FOXL2NB: variants seen among roughly 807,000 people sequenced by gnomAD.
FOXL2NB encodes FOXL2 neighbor.
A neutral mutation model predicts 7.4 loss-of-function variants in FOXL2NB; 10 were observed. That is an observed-to-expected ratio of 1.34 (90% CI 0.83 to 2.28). The LOEUF (loss-of-function observed/expected upper bound fraction) is 2.28, where lower values mean the gene tolerates loss of function less well. Among genes scored for constraint, FOXL2NB ranks in the 30% most tolerant of loss-of-function variants. FOXL2NB has a pLI of 0.00. For missense variants in FOXL2NB, 228 were observed against 233.9 expected (o/e 0.97, Z 0.17); for synonymous variants, 104 against 105.3 (o/e 0.99, Z 0.08).
At position 138,947,842 on chromosome 3, in the gene FOXL2NB, A is replaced by G; in HGVS notation, c.100+378A>G. Reference sequence around the variant, plus strand: ...GTTGGATGTGTGCTTTAACAGCACCAAGTAGATGCCCCTCAGCTATTGCAC... The same window carrying G: ...GTTGGATGTGTGCTTTAACAGCACCGAGTAGATGCCCCTCAGCTATTGCAC... On this transcript the variant is annotated intron_variant, in intron 1 of 2. Transcript: ENST00000383165. The surrounding 1 kb of genome is among the most constrained non-coding windows in gnomAD (Gnocchi z 5.2). 9.8e-7 allele frequency: 1 copy of G among 1,017,054 alleles called. No individual in the cohort carries two copies. The highest frequency in any genetic ancestry group is 1.7e-5 in the African/African-American group (1 of 58,054). 63.0% of individuals were successfully genotyped at this position (1,017,054 alleles called of 1,614,324 possible).
Position 138,949,393 on chromosome 3 carries a change from T to A in FOXL2NB, c.101-127T>A. The A allele has an allele frequency of 2.4e-6, 1 of 422,866 alleles. No individual in the cohort carries two copies. The highest frequency in any genetic ancestry group is 3.9e-6 in the Non-Finnish European group (1 of 256,462). 26.2% of individuals were successfully genotyped at this position (422,866 alleles called of 1,614,324 possible). The stretch of plus-strand genomic sequence containing the variant: ...GAGCCTGTGTGTGTATGCATGTGCG[T>A]GTGTGTGTGTGTGTGTGTGTGTGTA... On this transcript the variant is annotated intron_variant, in intron 1 of 2. Coordinates refer to ENST00000383165, the MANE Select transcript of FOXL2NB (RefSeq NM_001040061.3). This position sits in a 1 kb window ranked among gnomAD's most constrained non-coding sequence, Gnocchi z 4.5.
Position 138,950,698 on chromosome 3 carries a change from C to A in FOXL2NB, c.*126C>A, listed in dbSNP as rs1936114387. 2.1e-6 allele frequency: 2 copies of A among 958,186 alleles called. No individual in the cohort carries two copies. Among genetic ancestry groups the A allele is most frequent in the Non-Finnish European group, 1.6e-6 (1 of 625,428 alleles). 59.4% of individuals were successfully genotyped at this position (958,186 alleles called of 1,614,324 possible). On this transcript the variant is annotated 3_prime_UTR_variant, in exon 3 of 3. Transcript: ENST00000383165. Reference sequence around the variant, plus strand: ...CTCCACTCAGGTCACGTTACTCCATCCACTTCTCTCTCCTTCTCCCTCTGT... The same window carrying A: ...CTCCACTCAGGTCACGTTACTCCATACACTTCTCTCTCCTTCTCCCTCTGT...
chr3:138,947,348 G>A lies in FOXL2NB; in HGVS notation c.-17G>A. ...CTTGAAATCTGCCGGTACTCGCTCT[G>A]CGGGCTGGGCTGGGAGATGACGAGG... On this transcript the variant is annotated 5_prime_UTR_variant, in exon 1 of 3. Coordinates refer to ENST00000383165, the MANE Select transcript of FOXL2NB (RefSeq NM_001040061.3). This position sits in a 1 kb window ranked among gnomAD's most constrained non-coding sequence, Gnocchi z 5.2. The A allele has an allele frequency of 6.5e-7, 1 of 1,543,240 alleles. No individual in the cohort carries two copies. The highest frequency in any genetic ancestry group is 8.7e-7 in the Non-Finnish European group (1 of 1,143,078).
rs989961623 is a variant in FOXL2NB at position 138,952,753 on chromosome 3, C to G, written c.*2181C>G. 4.0e-5 allele frequency: 6 copies of G among 149,818 alleles called. No individual in the cohort carries two copies. Among genetic ancestry groups the G allele is most frequent in the African/African-American group, 1.5e-4 (6 of 40,132 alleles). 9.3% of individuals were successfully genotyped at this position (149,818 alleles called of 1,614,324 possible). A position where few individuals can be genotyped will look rare whatever the true frequency, so the allele number is the denominator to read the frequency against. ...ATGTGGGCCCAACTGGTCTTGAGCT[C>G]CTGAGCTCAGGGTGATTTGCCTGCT... is the stretch of plus-strand genomic sequence containing the variant. On this transcript the variant is annotated 3_prime_UTR_variant, in exon 3 of 3. Coordinates refer to ENST00000383165, the MANE Select transcript of FOXL2NB (RefSeq NM_001040061.3).
At position 138,949,452 on chromosome 3, in the gene FOXL2NB, G is replaced by T; in HGVS notation, c.101-68G>T. Reference sequence around the variant, plus strand: ...GGGCAAATGAAGGAGTTCCTCTGAAGGATTTTCAGAATAGAAAGGAGTTCT... The same window carrying T: ...GGGCAAATGAAGGAGTTCCTCTGAATGATTTTCAGAATAGAAAGGAGTTCT... On this transcript the variant is annotated intron_variant, in intron 1 of 2. Coordinates refer to ENST00000383165, the MANE Select transcript of FOXL2NB (RefSeq NM_001040061.3). This position sits in a 1 kb window ranked among gnomAD's most constrained non-coding sequence, Gnocchi z 4.5. 6.3e-7 allele frequency: 1 copy of T among 1,582,530 alleles called. No homozygotes were observed. Among genetic ancestry groups the T allele is most frequent in the South Asian group, 1.1e-5 (1 of 88,708 alleles).
At position 138,947,819 on chromosome 3, in the gene FOXL2NB, T is replaced by A. The variant is rs762759128; in HGVS notation, c.100+355T>A. On this transcript the variant is annotated intron_variant, in intron 1 of 2. Coordinates refer to ENST00000383165, the MANE Select transcript of FOXL2NB (RefSeq NM_001040061.3). The surrounding 1 kb of genome is among the most constrained non-coding windows in gnomAD (Gnocchi z 5.2). ...AATCCTACGGGGTTGGAGTGAAGGT[T>A]GGATGTGTGCTTTAACAGCACCAAG... 3.1e-5 allele frequency: 32 copies of A among 1,048,336 alleles called. No homozygotes were observed. Among genetic ancestry groups the A allele is most frequent in the Non-Finnish European group, 3.7e-5 (32 of 870,454 alleles). The allele number at this position is 1,048,336 out of a possible 1,614,324, so 64.9% of individuals were successfully genotyped here.
In FOXL2NB at chr3:138,949,434, T is replaced by A; in HGVS notation, c.101-86T>A. Reference sequence around the variant, plus strand: ...TGTGTGTGTAGGGGTTGGGGGCAAATGAAGGAGTTCCTCTGAAGGATTTTC... The same window carrying A: ...TGTGTGTGTAGGGGTTGGGGGCAAAAGAAGGAGTTCCTCTGAAGGATTTTC... On this transcript the variant is annotated intron_variant, in intron 1 of 2. Coordinates refer to ENST00000383165, the MANE Select transcript of FOXL2NB (RefSeq NM_001040061.3). This position sits in a 1 kb window ranked among gnomAD's most constrained non-coding sequence, Gnocchi z 4.5. 6.7e-7 allele frequency: 1 copy of A among 1,485,946 alleles called. No homozygotes were observed. The highest frequency in any genetic ancestry group is 1.2e-5 in the South Asian group (1 of 82,490). The allele number at this position is 1,485,946 out of a possible 1,614,324, so 92.0% of individuals were successfully genotyped here.
rs1471280744 is a variant in FOXL2NB at position 138,949,588 on chromosome 3, C to G, written c.169C>G (p.Pro57Ala). Reference sequence around the variant, plus strand: ...CCTGGGAAGGGCTGGAATCGGTCTCCCCAAGATGTGCCTTCACATGGCTGT... The same window carrying G: ...CCTGGGAAGGGCTGGAATCGGTCTCGCCAAGATGTGCCTTCACATGGCTGT... ...CTLGRAGIGL[P>A]KMCLHMAVRH... The change falls in exon 2 of 3, where the codon CCC becomes GCC. Residue 57 changes from proline to alanine, a missense_variant. Coordinates refer to ENST00000383165, the MANE Select transcript of FOXL2NB (RefSeq NM_001040061.3). This position sits in a 1 kb window ranked among gnomAD's most constrained non-coding sequence, Gnocchi z 4.5. The G allele has an allele frequency of 4.3e-6, 7 of 1,613,704 alleles. No homozygotes were observed. Among genetic ancestry groups the G allele is most frequent in the Non-Finnish European group, 4.2e-6 (5 of 1,179,610 alleles).
At position 138,947,251 on chromosome 3, in the gene FOXL2NB, C is replaced by A; in HGVS notation, c.-114C>A. The A allele has an allele frequency of 1.2e-6, 1 of 824,488 alleles. No individual in the cohort carries two copies. The highest frequency in any genetic ancestry group is 1.9e-6 in the Non-Finnish European group (1 of 530,508). The allele number at this position is 824,488 out of a possible 1,614,324, so 51.1% of individuals were successfully genotyped here. On this transcript the variant is annotated 5_prime_UTR_variant, in exon 1 of 3. Coordinates refer to ENST00000383165, the MANE Select transcript of FOXL2NB (RefSeq NM_001040061.3). The surrounding 1 kb of genome is among the most constrained non-coding windows in gnomAD (Gnocchi z 5.2). ...TCCAAGTCACTTTTTGTAAACGCCCCGCACAGCCTGGACCGGCCTGCCCCC... is the reference window on the plus strand; with the variant it reads ...TCCAAGTCACTTTTTGTAAACGCCCAGCACAGCCTGGACCGGCCTGCCCCC...
chr3:138,948,136 TC>T (rs1936028775), intron 1 of FOXL2NB: 3 of 298,758 alleles, frequency 1.0e-5, no homozygotes, highest in Non-Finnish European at 1.5e-5. Context: ...TCTCTTTTTC[TC>T]CTTTCTTACT....
At chr3:138,948,375 A>G (rs1409540407) in intron 1 of FOXL2NB, among the ~76,000 whole-genome samples, 3 of 152,212 alleles carry the variant, frequency 2.0e-5, no homozygotes, top group African/African-American at 7.2e-5. Context: ...TTATTTCAGC[A>G]TGTACAGAGA....
In FOXL2NB at chr3:138,952,991, C is replaced by CT. The variant is rs1232735331; in HGVS notation, c.*2421dup. The CT allele has an allele frequency of 2.8e-5, 4 of 141,180 alleles. No individual in the cohort carries two copies. Among genetic ancestry groups the CT allele is most frequent in the Non-Finnish European group, 3.0e-5 (2 of 65,900 alleles). The allele number at this position is 141,180 out of a possible 1,614,324, so 8.7% of individuals were successfully genotyped here. ...TTTTATCCCTCATCCCCCTCCTACGCTTCCCCCCCCGAGTCCCCATTATAT... is the reference window on the plus strand; with the variant it reads ...TTTTATCCCTCATCCCCCTCCTACGCTTTCCCCCCCCGAGTCCCCATTATAT... On this transcript the variant is annotated 3_prime_UTR_variant, in exon 3 of 3. Transcript: ENST00000383165.
In FOXL2NB at chr3:138,947,481, C is replaced by T. The variant is rs1424412816; in HGVS notation, c.100+17C>T. On this transcript the variant is annotated intron_variant, in intron 1 of 2. Transcript: ENST00000383165. This position sits in a 1 kb window ranked among gnomAD's most constrained non-coding sequence, Gnocchi z 5.2. The stretch of plus-strand genomic sequence containing the variant: ...GGCTTTCAGGTGAAAGAAAACGACT[C>T]CTTTGCTCTGCCGTTTGCTGCCGTC... 1 of 1,532,092 alleles carries T rather than the reference C, an allele frequency of 6.5e-7. No individual in the cohort carries two copies. Among genetic ancestry groups the T allele is most frequent in the Non-Finnish European group, 8.8e-7 (1 of 1,135,010 alleles). 94.9% of individuals were successfully genotyped at this position (1,532,092 alleles called of 1,614,324 possible).
chr3:138,953,796 C>T lies in FOXL2NB; in HGVS notation c.*3224C>T, dbSNP rs1352149480. 6.6e-6 allele frequency among the ~76,000 whole-genome samples: 1 copy of T among 152,180 alleles called. No individual in the cohort carries two copies. Among genetic ancestry groups the T allele is most frequent in the African/African-American group, 2.4e-5 (1 of 41,440 alleles). On this transcript the variant is annotated 3_prime_UTR_variant, in exon 3 of 3. Transcript: ENST00000383165. ...AGCCTCGTATAAATGGAGCATATAG[C>T]ATGTATGCCTTTATGTCTAGTTTTT...
chr3:138,950,658 A>C lies in FOXL2NB; in HGVS notation c.*86A>C, dbSNP rs904030565. The stretch of plus-strand genomic sequence containing the variant: ...ACAGGGCCCTTTGCACCCACACCTC[A>C]GGGACTCGGTGTCCCTCCACTCAGG... On this transcript the variant is annotated 3_prime_UTR_variant, in exon 3 of 3. Coordinates refer to ENST00000383165, the MANE Select transcript of FOXL2NB (RefSeq NM_001040061.3). The C allele has an allele frequency of 2.8e-6, 4 of 1,423,524 alleles. No homozygotes were observed. Among genetic ancestry groups the C allele is most frequent in the African/African-American group, 1.4e-5 (1 of 69,448 alleles). The allele number at this position is 1,423,524 out of a possible 1,614,324, so 88.2% of individuals were successfully genotyped here.
rs771560242 is a variant in FOXL2NB, at chr3:138,950,287, G to T, written c.243G>T (p.Arg81=). The change falls in exon 3 of 3, where the codon CGG becomes CGT. Residue 81 remains arginine, a synonymous_variant. Transcript: ENST00000383165. ...QKTGPGILQQ[R]QKPPAPRASG... ...CAGGGCCGGGAATCCTGCAACAGCG[G>T]CAGAAGCCGCCCGCGCCTCGGGCTT... The T allele has an allele frequency of 2.5e-6, 4 of 1,605,784 alleles. No individual in the cohort carries two copies. Among genetic ancestry groups the T allele is most frequent in the Non-Finnish European group, 3.4e-6 (4 of 1,177,874 alleles).
Position 138,949,494 on chromosome 3 carries a change from T to C in FOXL2NB, c.101-26T>C. 6.2e-7 allele frequency: 1 copy of C among 1,613,706 alleles called. No homozygotes were observed. The highest frequency in any genetic ancestry group is 2.2e-5 in the East Asian group (1 of 44,864). On this transcript the variant is annotated intron_variant, in intron 1 of 2. Coordinates refer to ENST00000383165, the MANE Select transcript of FOXL2NB (RefSeq NM_001040061.3). This position sits in a 1 kb window ranked among gnomAD's most constrained non-coding sequence, Gnocchi z 4.5. ...AGGAGTTCTGCTCTGAAAATACTGATTTCTGACTGTCCCGTAGAGGAACAG... is the reference window on the plus strand; with the variant it reads ...AGGAGTTCTGCTCTGAAAATACTGACTTCTGACTGTCCCGTAGAGGAACAG...
chr3:138,950,569 T>G lies in FOXL2NB; in HGVS notation c.525T>G (p.Tyr175Ter). Residue 175 changes from tyrosine to a stop codon, truncating the protein, a stop_gained, in exon 3 of 3, where the codon TAT (tyrosine) becomes TAG (stop). Transcript: ENST00000383165. LOFTEE classifies it high-confidence loss of function. ...LASKGKLHCV[Y>*] ...GCAAAGGGAAGCTTCACTGTGTCTA[T>G]TAGTACATCCCCATACACTCCACGC... The G allele has an allele frequency of 6.2e-7, 1 of 1,614,042 alleles. No homozygotes were observed.
chr3:138,950,720 C>G lies in FOXL2NB; in HGVS notation c.*148C>G. ...CATCCACTTCTCTCTCCTTCTCCCT[C>G]TGTCAACTCCAAATCCCCTCTAGTT... On this transcript the variant is annotated 3_prime_UTR_variant, in exon 3 of 3. Transcript: ENST00000383165. 5.1e-6 allele frequency: 4 copies of G among 780,204 alleles called. No homozygotes were observed. Among genetic ancestry groups the G allele is most frequent in the Non-Finnish European group, 6.3e-6 (3 of 479,744 alleles). 48.3% of individuals were successfully genotyped at this position (780,204 alleles called of 1,614,324 possible). A position where few individuals can be genotyped will look rare whatever the true frequency, so the allele number is the denominator to read the frequency against.
Sources: allele counts gnomAD v4.1 joint callset (sites outside exome capture counted in the v4.1 genomes callset), GRCh38; gene constraint gnomAD v4.1.1; non-coding constraint Gnocchi (gnomAD v3.1); transcripts MANE v1.5; gene names NCBI Gene and HGNC (gene_info 2026-07-23, HGNC 2026-07-21).